ABCC8: variants seen among roughly 807,000 people sequenced by gnomAD.
The protein encoded by ABCC8 is ATP-binding cassette sub-family C member 8.
ABCC8 carries 137 observed loss-of-function variants against 188.0 expected under a neutral mutation model. The ratio of observed to expected loss-of-function variants is 0.73; its 90% CI spans 0.63 to 0.84. The LOEUF is 0.84. ABCC8 is among the 40% of genes least tolerant of loss of function. The pLI is 0.00. For synonymous variants in ABCC8, 797 were observed against 846.5 expected (o/e 0.94, Z 1.01); for missense variants, 1,750 against 2,072.7 (o/e 0.84, Z 3.02).
At chr11:17,419,424 G>A (rs1016697223) in intron 16 of ABCC8, among the ~76,000 whole-genome samples, 9 of 152,206 alleles carry the variant, frequency 5.9e-5, no homozygotes, top group South Asian at 2.1e-4. Context: ...GAAAGGTACC[G>A]AAGTCAGGAA....
chr11:17,413,704 T>G (rs1954929552), intron 19 of ABCC8, among the ~76,000 whole-genome samples: 1 of 152,168 alleles, frequency 6.6e-6, no homozygotes, highest in Admixed American at 6.5e-5. Flanking sequence ...TGGAATTGGT[T>G]GGGAACAAAT....
At chr11:17,417,389 T>C (rs1174300800) in intron 16 of ABCC8, among the ~76,000 whole-genome samples, 3 of 152,206 alleles carry the variant, frequency 2.0e-5, no homozygotes, top group Non-Finnish European at 4.4e-5. Context: ...AAAAAAAGAA[T>C]AGATGGAATC....
At chr11:17,433,958 A>C (rs1266965914) in intron 10 of ABCC8, among the ~76,000 whole-genome samples, 3 of 152,208 alleles carry the variant, frequency 2.0e-5, no homozygotes, top group African/African-American at 7.2e-5. Context: ...AAACAGCGTA[A>C]GTATTATTGG....
chr11:17,396,929 G>C lies in ABCC8; in HGVS notation c.4106C>G (p.Ala1369Gly). Residue 1369 changes from alanine (A) to glycine (G), a missense_variant, in exon 33 of 39, where the codon GCC becomes GGC. By Grantham distance (60) the Ala-to-Gly change is moderately conservative. Coordinates refer to ENST00000389817, the MANE Select transcript of ABCC8 (RefSeq NM_000352.6). ...CCGTGCTCTGACCTTCTGTCCAGGG[G>C]CGATGAGGGCATTGACGTGCTTCAG... Reference protein sequence around the residue: ...PVLKHVNALIAPGQKIGICGR... With the variant: ...PVLKHVNALIGPGQKIGICGR... 6.2e-7 allele frequency: 1 copy of C among 1,614,164 alleles called. No homozygotes were observed. The highest frequency in any genetic ancestry group is 8.5e-7 in the Non-Finnish European group (1 of 1,180,014).
At chr11:17,429,992 G>A (rs1955771268) in intron 12 of ABCC8, 1 of 152,456 alleles carries the variant, frequency 6.6e-6, no homozygotes, top group African/African-American at 2.4e-5. Flanking sequence ...ACCTGCCAGG[G>A]TCCCATGAGA....
Position 17,453,193 on chromosome 11 carries a change from G to C in ABCC8, c.1102C>G (p.Leu368Val). The change falls in exon 7 of 39, where the codon CTG (leucine) becomes GTG (valine). Residue 368 changes from leucine to valine, a missense_variant. Transcript: ENST00000389817. ...GATGCTTGCAGAAATGTCCTTTGCAGTAGGAGGGCAAGGAACAGAAGCACA... is the reference window on the plus strand; with the variant it reads ...GATGCTTGCAGAAATGTCCTTTGCACTAGGAGGGCAAGGAACAGAAGCACA... ...LAVLLFLALL[L>V]QRTFLQASYY... The C allele has an allele frequency of 6.2e-7, 1 of 1,614,166 alleles. No individual in the cohort carries two copies. The highest frequency in any genetic ancestry group is 8.5e-7 in the Non-Finnish European group (1 of 1,180,034).
rs540546915 is a variant in ABCC8, at chr11:17,406,646, T to G, written c.3305A>C (p.Asn1102Thr). The part of the protein sequence containing the change: ...VAKRLHRSLL[N>T]RIILAPMRFF... ...CCTCATGGGGGCTAGGATGATCCGG[T>G]TTAGCAGGCTGCGGTGCAGTCTCTT... Residue 1102 changes from asparagine to threonine, a missense_variant, in exon 26 of 39, where the codon AAC becomes ACC. Asn to Thr is a moderately conservative substitution (Grantham distance 65, BLOSUM62 0). Transcript: ENST00000389817. The G allele has an allele frequency of 6.2e-7, 1 of 1,614,114 alleles. No homozygotes were observed. Among genetic ancestry groups the G allele is most frequent in the African/African-American group, 1.3e-5 (1 of 75,012 alleles).
At chr11:17,456,452 G>A (rs111812009) in intron 6 of ABCC8, among the ~76,000 whole-genome samples, 2,801 of 152,276 alleles carry the variant, frequency 0.018, 66 homozygotes, top group African/African-American at 0.056. Context: ...GGTATGATTG[G>A]AAAGGTCCCC....
chr11:17,434,984 C>CGCGTGTGT (rs71457876), intron 10 of ABCC8, among the ~76,000 whole-genome samples: 2,840 of 144,674 alleles, frequency 0.02, 31 homozygotes, highest in East Asian at 0.039. Flanking sequence ...CGTGTGTTCG[C>CGCGTGTGT]GTGTGTGTGT....
chr11:17,442,191 A>G (rs976012302), intron 10 of ABCC8, among the ~76,000 whole-genome samples: 2 of 152,138 alleles, frequency 1.3e-5, no homozygotes, highest in Non-Finnish European at 2.9e-5. Context: ...GGGGTTCCCA[A>G]ACTACTTGGT....
In ABCC8 at chr11:17,427,062, C is replaced by T. The variant is rs376206979; in HGVS notation, c.2209G>A (p.Val737Ile). The T allele has an allele frequency of 1.0e-4, 168 of 1,614,014 alleles. 1 individual carries two copies. The highest frequency in any genetic ancestry group is 6.5e-4 in the South Asian group (59 of 91,064). The change falls in exon 16 of 39, where the codon GTC (valine) becomes ATC (isoleucine). Residue 737 changes from valine (V) to isoleucine (I), a missense_variant. Val to Ile is a conservative substitution (Grantham distance 29). Coordinates refer to ENST00000389817, the MANE Select transcript of ABCC8 (RefSeq NM_000352.6). The surrounding 1 kb of genome is among the most constrained non-coding windows in gnomAD (Gnocchi z 5.0). ...LGEMQKVSGA[V>I]FWSSLPDSEI... ...TACATGTATTACCTGCTCCAGAAGA[C>T]AGCCCCTGAGACCTTCTGCATCTCC...
intron 10 of ABCC8, chr11:17,436,001 A>C (rs532771728): frequency 1.3e-6 from 2 of 1,536,234 alleles, no homozygotes; most frequent in East Asian, 4.5e-5. Context: ...GGAAGAGACC[A>C]ACTGTAGATA....
chr11:17,470,418 T>C (rs1325541546), intron 2 of ABCC8, 196 bp from the exon 3 acceptor site: 14 of 399,976 alleles, frequency 3.5e-5, no homozygotes, highest in Non-Finnish European at 4.4e-5. Flanking sequence ...GAGCTGGGTA[T>C]ATGATCTGGA....
chr11:17,442,118 G>T (rs767064844), intron 10 of ABCC8, among the ~76,000 whole-genome samples: 3 of 152,178 alleles, frequency 2.0e-5, no homozygotes, highest in Non-Finnish European at 2.9e-5. Flanking sequence ...CAGTAAAATG[G>T]TTTCAAGTAT....
intron 2 of ABCC8, among the ~76,000 whole-genome samples, chr11:17,470,458 A>C (rs542317628): frequency 6.6e-6 from 1 of 152,248 alleles, no homozygotes; most frequent in South Asian, 2.1e-4. Flanking sequence ...CCCTAAGCAC[A>C]AGGGTTGCTG....
chr11:17,432,023 T>C (rs1414809917), intron 11 of ABCC8, among the ~76,000 whole-genome samples, 181 bp downstream of exon 11: 1 of 152,218 alleles, frequency 6.6e-6, no homozygotes, highest in Non-Finnish European at 1.5e-5. Context: ...CAGAGGCCCC[T>C]GTTCGGCTGG....
Position 17,463,497 on chromosome 11 carries a change from G to T in ABCC8, c.520C>A (p.Leu174Met). 6.2e-7 allele frequency: 1 copy of T among 1,603,608 alleles called. No homozygotes were observed. The highest frequency in any genetic ancestry group is 8.5e-7 in the Non-Finnish European group (1 of 1,175,400). The change falls in exon 4 of 39, where the codon CTG (leucine) becomes ATG (methionine). Residue 174 changes from leucine to methionine, a missense_variant. Leu to Met is a conservative substitution (Grantham distance 15). Transcript: ENST00000389817. ...AGCATCCCATAGAGGATCACCAGCA[G>T]CCCTGTGAGGCAGAAGCGTAGCTGC... ...FSQLRFCLTG[L>M]LVILYGMLLL...
chr11:17,406,788 C>CCATCA lies in ABCC8; in HGVS notation c.3163-1_3163insTGATG (p.Glu1055Ter). On this transcript the variant is annotated stop_gained and frameshift_variant and splice_region_variant. Coordinates refer to ENST00000389817, the MANE Select transcript of ABCC8 (RefSeq NM_000352.6). LOFTEE classifies it high-confidence loss of function. ...TAGACAGTCTGGTCGAGGGTGCACT[C>CCATCA]CTTCACAGGCAGAGAGTGATTTGGA... 1 of 1,614,242 alleles carries CCATCA rather than the reference C, an allele frequency of 6.2e-7. No homozygotes were observed. The highest frequency in any genetic ancestry group is 8.5e-7 in the Non-Finnish European group (1 of 1,180,048).
At chr11:17,422,042 G>C (rs1459038315) in intron 16 of ABCC8, among the ~76,000 whole-genome samples, 1 of 152,216 alleles carries the variant, frequency 6.6e-6, no homozygotes, top group East Asian at 1.9e-4. Flanking sequence ...CCAGGTCAGA[G>C]GCTGTTTTGC....
Sources: gnomAD v4.1 joint callset for allele counts (sites outside exome capture counted in the v4.1 genomes callset) on GRCh38, gnomAD v4.1.1 for gene constraint, Gnocchi (gnomAD v3.1) non-coding constraint, MANE v1.5 for transcripts, NCBI Gene and HGNC (gene_info 2026-07-23, HGNC 2026-07-21) for gene names.